ZRANB3: variants seen among roughly 807,000 people sequenced by gnomAD.
The protein encoded by ZRANB3 is zinc finger RANBP2-type containing 3, also known as DNA annealing helicase and endonuclease ZRANB3.
In ZRANB3, 125 loss-of-function variants were observed where a neutral mutation model predicts 133.8. The ratio of observed to expected loss-of-function variants is 0.93; its 90% CI spans 0.81 to 1.08. The LOEUF (loss-of-function observed/expected upper bound fraction) is 1.08, where lower values mean the gene tolerates loss of function less well. Ranked by LOEUF, ZRANB3 falls within the 50% of genes least tolerant of loss-of-function variation. The pLI is 0.00. For synonymous variants in ZRANB3, 387 were observed against 432.7 expected, an observed-to-expected ratio of 0.89 and a Z score of 1.31; for missense variants, 1,229 against 1,275.5, an observed-to-expected ratio of 0.96 and a Z score of 0.56.
intron 15 of ZRANB3, among the ~76,000 whole-genome samples, chr2:135,222,401 C>CAA (rs1177564767): frequency 2.6e-5 from 2 of 76,920 alleles, no homozygotes; most frequent in African/African-American, 9.3e-5. Flanking sequence ...GACTCAGTCT[C>CAA]AAAAAAAAAA....
At chr2:135,241,481 T>C (rs1385651634) in intron 12 of ZRANB3, among the ~76,000 whole-genome samples, 1 of 152,116 alleles carries the variant, frequency 6.6e-6, no homozygotes, top group African/African-American at 2.4e-5. Flanking sequence ...ATTTGTGTAT[T>C]AGTTTACTTT....
rs918928450 is a variant in ZRANB3, at chr2:135,269,085, AG to A, written c.1262del (p.Pro421LeufsTer4). The part of the protein sequence containing the change: ...HVVFAELYWD[P>X]GHIKQAEDRA... ...GGTCTTCTGCTTGTTTTATATGTCC[AG>A]GGTCCCAGTACAACTCAGCAAATAC... On this transcript the variant is annotated frameshift_variant, in exon 11 of 21. Coordinates refer to ENST00000264159, the MANE Select transcript of ZRANB3 (RefSeq NM_032143.4). LOFTEE classifies it high-confidence loss of function. The A allele has an allele frequency of 6.2e-7, 1 of 1,612,920 alleles. No homozygotes were observed. The highest frequency in any genetic ancestry group is 8.5e-7 in the Non-Finnish European group (1 of 1,179,718).
chr2:135,489,584 A>T (rs1357705721), intron 2 of ZRANB3, among the ~76,000 whole-genome samples: 2 of 151,902 alleles, frequency 1.3e-5, no homozygotes, highest in Non-Finnish European at 2.9e-5. Context: ...CAGGGGAGCT[A>T]TGGTCAAAAA....
At chr2:135,266,247 G>C (rs1004950740) in intron 11 of ZRANB3, among the ~76,000 whole-genome samples, 10 of 152,120 alleles carry the variant, frequency 6.6e-5, no homozygotes, top group African/African-American at 2.4e-4. Context: ...AGATCTTAAG[G>C]CTGACAAAAC....
chr2:135,231,092 AAT>A (rs1217439036), intron 12 of ZRANB3, 165 bp from the exon 13 acceptor site: 3 of 464,152 alleles, frequency 6.5e-6, no homozygotes, highest in South Asian at 7.1e-5. Flanking sequence ...TACATATATA[AAT>A]ATATATATGT....
intron 3 of ZRANB3, 60 bp from the exon 4 acceptor site, chr2:135,353,688 T>C: frequency 1.7e-6 from 2 of 1,148,890 alleles, no homozygotes; most frequent in African/African-American, 3.2e-5. Flanking sequence ...AAAGAAAATA[T>C]TTATCAAACA....
chr2:135,462,201 G>C (rs1313632540), intron 2 of ZRANB3, among the ~76,000 whole-genome samples: 1 of 152,032 alleles, frequency 6.6e-6, no homozygotes, highest in Admixed American at 6.5e-5. Context: ...AAACATAAAG[G>C]CACTGATGGA....
intron 12 of ZRANB3, among the ~76,000 whole-genome samples, chr2:135,234,249 C>T (rs1033368265): frequency 5.9e-5 from 9 of 152,138 alleles, no homozygotes; most frequent in African/African-American, 2.2e-4. Flanking sequence ...GCTAACTATC[C>T]TAAATATATA....
rs571166853 is a variant in ZRANB3 at position 135,404,332 on chromosome 2, A to C, written c.162-13512T>G. Among the ~76,000 whole-genome samples the C allele has an allele frequency of 1.3e-3, 202 of 152,334 alleles. 2 individuals are homozygous for C. The highest frequency in any genetic ancestry group is 4.3e-3 in the African/African-American group (179 of 41,568). On this transcript the variant is annotated intron_variant, in intron 2 of 20. Coordinates refer to ENST00000264159, the MANE Select transcript of ZRANB3 (RefSeq NM_032143.4). Reference sequence around the variant, plus strand: ...CAAGTCTCAGTAGCCAATTCTATCAACTGGAAGAAAGGGTATCAGTGATGG... The same window carrying C: ...CAAGTCTCAGTAGCCAATTCTATCACCTGGAAGAAAGGGTATCAGTGATGG...
intron 2 of ZRANB3, among the ~76,000 whole-genome samples, chr2:135,437,383 T>C (rs1689592828): frequency 6.6e-6 from 1 of 152,236 alleles, no homozygotes; most frequent in Non-Finnish European, 1.5e-5. Flanking sequence ...TACAACGTGT[T>C]ATTCTATTTG....
At position 135,411,582 on chromosome 2, in the gene ZRANB3, C is replaced by CA. The variant is rs1018038183; in HGVS notation, c.162-20763dup. Among the ~76,000 whole-genome samples the CA allele has an allele frequency of 5.0e-4, 76 of 152,138 alleles. 1 individual carries two copies. The highest frequency in any genetic ancestry group is 1.3e-4 in the Admixed American group (2 of 15,280). ...ATATATACACCATGGAATATTACCA[C>CA]AAAAAAGAACAAAACGATGTCCTTT... On this transcript the variant is annotated intron_variant, in intron 2 of 20. Transcript: ENST00000264159.
At chr2:135,450,738 A>G (rs1455096399) in intron 2 of ZRANB3, among the ~76,000 whole-genome samples, 1 of 152,240 alleles carries the variant, frequency 6.6e-6, no homozygotes, top group Admixed American at 6.5e-5. Context: ...ACGTTAGCCT[A>G]TGAAAGCCAA....
At chr2:135,488,556 G>A (rs1413088693) in intron 2 of ZRANB3, among the ~76,000 whole-genome samples, 1 of 151,152 alleles carries the variant, frequency 6.6e-6, no homozygotes, top group Non-Finnish European at 1.5e-5. Flanking sequence ...TACTATATTT[G>A]AATATACTAT....
chr2:135,207,882 G>A, intron 18 of ZRANB3, 46 bp from the exon 19 acceptor site: 1 of 1,523,120 alleles, frequency 6.6e-7, no homozygotes, highest in Non-Finnish European at 8.8e-7. Flanking sequence ...GAATGATTAG[G>A]CTAAATAGTA....
chr2:135,477,263 G>A (rs1691545310), intron 2 of ZRANB3, among the ~76,000 whole-genome samples: 1 of 152,178 alleles, frequency 6.6e-6, no homozygotes, highest in Non-Finnish European at 1.5e-5. Flanking sequence ...AACTTCAAAG[G>A]CAAGCGATGA....
At chr2:135,510,583 C>G in intron 1 of ZRANB3, 1 of 732,790 alleles carries the variant, frequency 1.4e-6, no homozygotes, top group Non-Finnish European at 2.4e-6. Flanking sequence ...CACTCCAAAT[C>G]CTGCTTTCTG....
chr2:135,230,718 C>A lies in ZRANB3; in HGVS notation c.1749G>T (p.Ser583=). 2.5e-6 allele frequency: 4 copies of A among 1,612,624 alleles called. No homozygotes were observed. Among genetic ancestry groups the A allele is most frequent in the Non-Finnish European group, 3.4e-6 (4 of 1,179,430 alleles). ...PETKRLKLAA[S]EDHCSPSEET... Reference sequence around the variant, plus strand: ...CTTCCGACGGACTGCAGTGGTCTTCCGAGGCAGCCAATTTCAATCTTTTCG... The same window carrying A: ...CTTCCGACGGACTGCAGTGGTCTTCAGAGGCAGCCAATTTCAATCTTTTCG... The change falls in exon 13 of 21, where the codon TCG becomes TCT. Residue 583 remains serine (S), a synonymous_variant. Coordinates refer to ENST00000264159, the MANE Select transcript of ZRANB3 (RefSeq NM_032143.4).
At chr2:135,263,019 A>G (rs1232406004) in intron 12 of ZRANB3, among the ~76,000 whole-genome samples, 2 of 152,136 alleles carry the variant, frequency 1.3e-5, no homozygotes, top group African/African-American at 4.8e-5. Flanking sequence ...AAATATTAAT[A>G]TTGTACTTCT....
rs1272111373 is a variant in ZRANB3, at chr2:135,400,268, T to C, written c.162-9448A>G. Among the ~76,000 whole-genome samples the C allele has an allele frequency of 2.6e-5, 4 of 151,684 alleles. No individual in the cohort carries two copies. The East Asian group carries it at 5.8e-4, about 22-fold the overall frequency. On this transcript the variant is annotated intron_variant, in intron 2 of 20. Transcript: ENST00000264159. ...AATAGTAATAATAAAAATAAATAAA[T>C]AAATAAATAAATAACACCCTATTGG...
Sources: gnomAD v4.1 joint callset for allele counts (sites outside exome capture counted in the v4.1 genomes callset) on GRCh38, gnomAD v4.1.1 for gene constraint, MANE v1.5 for transcripts, NCBI Gene and HGNC (gene_info 2026-07-23, HGNC 2026-07-21) for gene names.